PSD4: variants seen among roughly 807,000 people sequenced by gnomAD.
The protein encoded by PSD4 is PH and SEC7 domain-containing protein 4.
In PSD4, 59 loss-of-function variants were observed where a neutral mutation model predicts 112.5. The observed-to-expected ratio is 0.52, with a 90% CI of 0.43 to 0.65. PSD4 has a LOEUF of 0.65. Among genes scored for constraint, PSD4 ranks in the 30% least tolerant of loss-of-function variants. The probability of loss-of-function intolerance (pLI) is 0.00; values close to 1 mark genes in which losing one functional copy is unlikely to be tolerated. For synonymous variants in PSD4, 533 were observed against 540.0 expected (o/e 0.99, Z 0.18); for missense variants, 1,267 against 1,352.6 (o/e 0.94, Z 0.99).
intron 1 of PSD4, among the ~76,000 whole-genome samples, chr2:113,179,546 T>C (rs1688071118): frequency 6.6e-6 from 1 of 152,144 alleles, no homozygotes; most frequent in African/African-American, 2.4e-5. Flanking sequence ...AAAAGAATGG[T>C]TACTCCATAG....
chr2:113,195,535 G>A lies in PSD4; in HGVS notation c.2182-192G>A, dbSNP rs112135461. ...ATACTCCAGAAATACTTTGTTGCAC[G>A]GATGGATGGATGGATGGATGGATGG... is the stretch of plus-strand genomic sequence containing the variant. On this transcript the variant is annotated intron_variant, in intron 10 of 16. Coordinates refer to ENST00000245796, the MANE Select transcript of PSD4 (RefSeq NM_012455.3). Among the ~76,000 whole-genome samples, 7,775 of 35,746 alleles carry A rather than the reference G, an allele frequency of 0.22. 247 individuals are homozygous for A. The highest frequency in any genetic ancestry group is 0.48 in the East Asian group (622 of 1,296). 23.5% of individuals were successfully genotyped at this position (35,746 alleles called of 152,430 possible). A position where few individuals can be genotyped will look rare whatever the true frequency, so the allele number is the denominator to read the frequency against.
intron 1 of PSD4, among the ~76,000 whole-genome samples, chr2:113,176,948 G>A (rs1423354731): frequency 6.6e-6 from 1 of 152,130 alleles, no homozygotes; most frequent in African/African-American, 2.4e-5. Flanking sequence ...TCACCTTTTA[G>A]GTCATCCTAC....
At chr2:113,198,526 C>A in intron 14 of PSD4, 2 of 473,022 alleles carry the variant, frequency 4.2e-6, no homozygotes, top group Non-Finnish European at 7.2e-6. Flanking sequence ...CCTGCCAAGG[C>A]GTTGCCACCG....
At chr2:113,177,501 C>T (rs1688010499) in intron 1 of PSD4, among the ~76,000 whole-genome samples, 1 of 152,178 alleles carries the variant, frequency 6.6e-6, no homozygotes, top group African/African-American at 2.4e-5. Flanking sequence ...ATCAGTGGGG[C>T]AGGAGGAGAG....
intron 5 of PSD4, among the ~76,000 whole-genome samples, chr2:113,189,705 T>C (rs752958550): frequency 7.2e-5 from 11 of 152,214 alleles, no homozygotes; most frequent in Admixed American, 2.0e-4. Context: ...TTATGGACAT[T>C]CTTGCAGGAG....
chr2:113,201,353 A>G lies in PSD4; in HGVS notation c.3109A>G (p.Asn1037Asp). 1 of 1,614,208 alleles carries G rather than the reference A, an allele frequency of 6.2e-7. No individual in the cohort carries two copies. Among genetic ancestry groups the G allele is most frequent in the Non-Finnish European group, 8.5e-7 (1 of 1,180,024 alleles). The change falls in exon 17 of 17, where the codon AAC becomes GAC. Residue 1037 changes from asparagine to aspartate, a missense_variant. Asn to Asp is a conservative substitution (Grantham distance 23, BLOSUM62 1). Around this residue, in one of 2 missense-constraint regions of PSD4, gnomAD observed 544 missense variants for 648.6 expected, o/e 0.84. Coordinates refer to ENST00000245796, the MANE Select transcript of PSD4 (RefSeq NM_012455.3). ...EAPTTAKVKR[N>D]ISERRTYRKI... ...TCCCACCACGGCCAAGGTGAAGCGC[A>G]ACATCTCAGAGCGCAGAACCTACCG...
chr2:113,186,973 G>A (rs1189149544), intron 5 of PSD4, among the ~76,000 whole-genome samples: 1 of 152,242 alleles, frequency 6.6e-6, no homozygotes, highest in Admixed American at 6.5e-5. Context: ...GGAACCAGCA[G>A]TGGTTCATGT....
In PSD4 at chr2:113,193,332, G is replaced by A. The variant is rs1259364226; in HGVS notation, c.1994G>A (p.Arg665His). The A allele has an allele frequency of 8.1e-6, 13 of 1,604,186 alleles. No individual in the cohort carries two copies. The highest frequency in any genetic ancestry group is 1.4e-5 in the African/African-American group (1 of 74,004). ...RERILYQFSR[R>H]FHHCNPGIFP... ...CGAATCCTCTACCAGTTCTCCAGAC[G>A]CTTCCACCATTGCAATCCGGGGATC... Residue 665 changes from arginine (R) to histidine (H), a missense_variant, in exon 8 of 17, where the codon CGC becomes CAC. By Grantham distance (29) the Arg-to-His change is conservative. Coordinates refer to ENST00000245796, the MANE Select transcript of PSD4 (RefSeq NM_012455.3).
Position 113,182,820 on chromosome 2 carries a change from C to T in PSD4, c.364C>T (p.Gln122Ter). The change falls in exon 2 of 17, where the codon CAG (glutamine) becomes TAG (stop). Residue 122 changes from glutamine to a stop codon, truncating the protein, a stop_gained. Transcript: ENST00000245796. LOFTEE classifies it high-confidence loss of function. The part of the protein sequence containing the change: ...ELTHLGSPSA[Q>*]REHRQNTASP... ...CACACACCTGGGGAGCCCCTCTGCC[C>T]AGAGGGAGCACAGGCAGAACACAGC... 6.2e-7 allele frequency: 1 copy of T among 1,611,532 alleles called. No homozygotes were observed. Among genetic ancestry groups the T allele is most frequent in the South Asian group, 1.1e-5 (1 of 90,832 alleles).
intron 2 of PSD4, 51 bp downstream of exon 2, chr2:113,183,563 G>C (rs1440752265): frequency 6.9e-7 from 1 of 1,455,108 alleles, no homozygotes; most frequent in Non-Finnish European, 9.2e-7. Flanking sequence ...ACACAGAAGG[G>C]AGGGTCTTCC....
rs45545633 is a variant in PSD4 at position 113,180,493 on chromosome 2, G to C, written c.-111-1853G>C. Among the ~76,000 whole-genome samples the C allele has an allele frequency of 6.4e-3, 982 of 152,298 alleles. 15 individuals are homozygous for C. Among genetic ancestry groups the C allele is most frequent in the African/African-American group, 0.022 (931 of 41,560 alleles). ...TGCCTGTGGGAGGATCTCAGTGTGA[G>C]GTCTGGAGCCCTGGACGAGGCCACC... On this transcript the variant is annotated intron_variant, in intron 1 of 16. Coordinates refer to ENST00000245796, the MANE Select transcript of PSD4 (RefSeq NM_012455.3).
rs1688774006 is a variant in PSD4 at position 113,201,351 on chromosome 2, G to A, written c.3107G>A (p.Arg1036His). The change falls in exon 17 of 17, where the codon CGC becomes CAC. Residue 1036 changes from arginine (R) to histidine (H), a missense_variant. Physicochemically the swap from Arg to His is conservative, Grantham distance 29. Transcript: ENST00000245796. ...DEAPTTAKVK[R>H]NISERRTYRK... is the part of the protein sequence containing the mutation. Reference sequence around the variant, plus strand: ...GCTCCCACCACGGCCAAGGTGAAGCGCAACATCTCAGAGCGCAGAACCTAC... The same window carrying A: ...GCTCCCACCACGGCCAAGGTGAAGCACAACATCTCAGAGCGCAGAACCTAC... 1.9e-6 allele frequency: 3 copies of A among 1,614,160 alleles called. No individual in the cohort carries two copies. The highest frequency in any genetic ancestry group is 2.5e-6 in the Non-Finnish European group (3 of 1,180,030).
intron 1 of PSD4, among the ~76,000 whole-genome samples, chr2:113,174,560 T>C (rs746032333): frequency 6.6e-6 from 1 of 152,000 alleles, no homozygotes; most frequent in Non-Finnish European, 1.5e-5. Flanking sequence ...TGGCTCTGGG[T>C]GTGGTTGCTG....
intron 2 of PSD4, 69 bp downstream of exon 2, chr2:113,183,581 T>A (rs1688213421): frequency 7.3e-7 from 1 of 1,373,584 alleles, no homozygotes; most frequent in Non-Finnish European, 9.8e-7. Context: ...TCCTCGGGGG[T>A]CACCAGGCCC....
At chr2:113,181,745 C>T (rs887053455) in intron 1 of PSD4, among the ~76,000 whole-genome samples, 1 of 152,236 alleles carries the variant, frequency 6.6e-6, no homozygotes, top group Non-Finnish European at 1.5e-5. Context: ...AAATTCCAAG[C>T]TGCCAACAGC....
chr2:113,199,179 C>G lies in PSD4; in HGVS notation c.2866C>G (p.Arg956Gly), dbSNP rs1020499962. Residue 956 changes from arginine to glycine, a missense_variant, in exon 16 of 17, where the codon CGC becomes GGC. This residue lies in a region of PSD4 where 544 missense variants were observed against 648.6 expected (regional missense o/e 0.84). Coordinates refer to ENST00000245796, the MANE Select transcript of PSD4 (RefSeq NM_012455.3). ...CCTGCCGGAGCGGCGGGGCCGTGGC[C>G]GCGAGCTGGAGGAGCACCGCCTGCG... ...RNLPERRGRG[R>G]ELEEHRLRKE... 2.0e-4 allele frequency: 302 copies of G among 1,523,962 alleles called. No homozygotes were observed. Among genetic ancestry groups the G allele is most frequent in the Non-Finnish European group, 2.5e-4 (280 of 1,138,628 alleles). 94.4% of individuals were successfully genotyped at this position (1,523,962 alleles called of 1,614,324 possible). A position where few individuals can be genotyped will look rare whatever the true frequency, so the allele number is the denominator to read the frequency against.
At chr2:113,187,571 C>T (rs1168847206) in intron 5 of PSD4, among the ~76,000 whole-genome samples, 1 of 152,116 alleles carries the variant, frequency 6.6e-6, no homozygotes, top group African/African-American at 2.4e-5. Flanking sequence ...CCGGGTGACC[C>T]CCAGCCGACT....
chr2:113,182,702 C>G lies in PSD4; in HGVS notation c.246C>G (p.Asp82Glu). 6.2e-7 allele frequency: 1 copy of G among 1,605,332 alleles called. No individual in the cohort carries two copies. The highest frequency in any genetic ancestry group is 8.5e-7 in the Non-Finnish European group (1 of 1,174,938). The change falls in exon 2 of 17, where the codon GAC (aspartate) becomes GAG (glutamate). Residue 82 changes from aspartate (D) to glutamate (E), a missense_variant. Coordinates refer to ENST00000245796, the MANE Select transcript of PSD4 (RefSeq NM_012455.3). ...LTHLGSWVHQ[D>E]GLEPCQEQTR... ...ACCTGGGGAGCTGGGTCCATCAGGA[C>G]GGGCTGGAGCCTTGCCAGGAGCAAA...
Position 113,182,832 on chromosome 2 carries a change from AG to A in PSD4, c.378del (p.Arg126SerfsTer11). The A allele has an allele frequency of 6.2e-7, 1 of 1,613,192 alleles. No homozygotes were observed. Among genetic ancestry groups the A allele is most frequent in the Non-Finnish European group, 8.5e-7 (1 of 1,179,398 alleles). ...GAGCCCCTCTGCCCAGAGGGAGCAC[AG>A]GCAGAACACAGCATCACCAGGGTCA... ...LGSPSAQREH[R>X]QNTASPGSPV... is the part of the protein sequence containing the mutation. On this transcript the variant is annotated frameshift_variant, in exon 2 of 17. Coordinates refer to ENST00000245796, the MANE Select transcript of PSD4 (RefSeq NM_012455.3). LOFTEE classifies it high-confidence loss of function.
Sources: allele counts gnomAD v4.1 joint callset (sites outside exome capture counted in the v4.1 genomes callset), GRCh38; gene constraint gnomAD v4.1.1; regional missense constraint gnomAD v4.1.1; transcripts MANE v1.5; gene names NCBI Gene and HGNC (gene_info 2026-07-23, HGNC 2026-07-21).